Variants in PCNX2 observed in about 807,000 individuals in gnomAD.
The protein encoded by PCNX2 is pecanex 2.
A neutral mutation model predicts 223.8 loss-of-function variants in PCNX2; 168 were observed. The observed-to-expected ratio is 0.75, with a 90% CI of 0.66 to 0.85. The LOEUF is 0.85. Among genes scored for constraint, PCNX2 ranks in the 40% least tolerant of loss-of-function variants. The probability of loss-of-function intolerance (pLI) is 0.00; values close to 1 mark genes in which losing one functional copy is unlikely to be tolerated. For synonymous variants in PCNX2, 1,006 were observed against 1,052.6 expected (o/e 0.96, Z 0.86); for missense variants, 2,507 against 2,675.5 (o/e 0.94, Z 1.39).
At chr1:233,040,359 A>T (rs753174007) in intron 25 of PCNX2, among the ~76,000 whole-genome samples, 3 of 152,222 alleles carry the variant, frequency 2.0e-5, no homozygotes, top group Non-Finnish European at 2.9e-5. Flanking sequence ...TCATCCTCCC[A>T]TGAGAGAATG....
intron 21 of PCNX2, among the ~76,000 whole-genome samples, chr1:233,130,112 C>A (rs1055657300): frequency 6.6e-6 from 1 of 152,122 alleles, no homozygotes; most frequent in Non-Finnish European, 1.5e-5. Flanking sequence ...AGGTCTGCAG[C>A]CTCACTCCTG....
At chr1:233,305,939 T>G in the PCNX2 span, among the ~76,000 whole-genome samples, 1 of 152,174 alleles carries the variant, frequency 6.6e-6, no homozygotes, top group African/African-American at 2.4e-5. Context: ...TGAAAATGGG[T>G]TAAACACTAA....
intron 2 of PCNX2, 106 bp downstream of exon 2, chr1:233,262,852 T>A: frequency 2.0e-6 from 2 of 1,006,902 alleles, no homozygotes; most frequent in Non-Finnish European, 2.9e-6. Flanking sequence ...ATGCATATAT[T>A]TCTGTCTGCC....
chr1:233,159,689 C>T (rs1310108754), intron 19 of PCNX2, among the ~76,000 whole-genome samples: 1 of 152,166 alleles, frequency 6.6e-6, no homozygotes, highest in Non-Finnish European at 1.5e-5. Flanking sequence ...TAGAAGAAAT[C>T]TATTTCTTCT....
At chr1:233,178,041 C>CA (rs895046519) in intron 16 of PCNX2, 143 bp from the exon 17 acceptor site, 3 of 644,870 alleles carry the variant, frequency 4.7e-6, no homozygotes, top group Non-Finnish European at 8.1e-6. Context: ...AAAAGAGGTG[C>CA]ATGTTCAAGT....
At chr1:233,230,167 T>C (rs533181682) in intron 9 of PCNX2, among the ~76,000 whole-genome samples, 57 of 152,310 alleles carry the variant, frequency 3.7e-4, no homozygotes, top group African/African-American at 1.3e-3. Flanking sequence ...CCAGTCATGA[T>C]AACATCATCA....
intron 23 of PCNX2, among the ~76,000 whole-genome samples, chr1:233,075,739 A>ACACACACAC (rs1553282226): frequency 2.7e-5 from 4 of 149,320 alleles, no homozygotes; most frequent in East Asian, 2.0e-4. Flanking sequence ...ACACACACAC[A>ACACACACAC]ACAGAAAAGA....
intron 15 of PCNX2, among the ~76,000 whole-genome samples, chr1:233,185,084 AACACACACACACACACACAC>A (rs60719299): frequency 1.3e-4 from 18 of 141,716 alleles, no homozygotes; most frequent in Non-Finnish European, 2.4e-4. Flanking sequence ...TACATACATA[AACACACACACACACACACAC>A]ACACACACAC....
rs1680220853 is a variant in PCNX2 at position 233,188,278 on chromosome 1, C to T, written c.3067-9103G>A. Among the ~76,000 whole-genome samples the T allele has an allele frequency of 2.6e-5, 4 of 152,098 alleles. No individual in the cohort carries two copies. The South Asian group carries it at 8.3e-4, about 32-fold the overall frequency. Reference sequence around the variant, plus strand: ...TCCCCCTGGCTGTCGGATTGCAGTCCCCATTTCCTGGATGGCTGTCCACTG... The same window carrying T: ...TCCCCCTGGCTGTCGGATTGCAGTCTCCATTTCCTGGATGGCTGTCCACTG... On this transcript the variant is annotated intron_variant, in intron 15 of 33. Transcript: ENST00000258229.
At chr1:233,140,838 C>T (rs937316718) in intron 19 of PCNX2, among the ~76,000 whole-genome samples, 8 of 152,174 alleles carry the variant, frequency 5.3e-5, no homozygotes, top group Non-Finnish European at 1.0e-4. Flanking sequence ...CCAGGGCCCT[C>T]GGCTAGGCCC....
chr1:233,193,248 A>T (rs1241532650), intron 15 of PCNX2, among the ~76,000 whole-genome samples: 1 of 151,764 alleles, frequency 6.6e-6, no homozygotes, highest in Non-Finnish European at 1.5e-5. Context: ...AAGGAGAGGA[A>T]AATGATGAAA....
rs189938881 is a variant in PCNX2 at position 233,130,783 on chromosome 1, C to G, written c.3837+4230G>C. On this transcript the variant is annotated intron_variant, in intron 21 of 33. Coordinates refer to ENST00000258229, the MANE Select transcript of PCNX2 (RefSeq NM_014801.4). ...CAGGTGTGTGCCACTGTGCCCGGCA[C>G]CCCCCCCTTTTTTTTTTATTCCAGA... 2.0e-5 allele frequency among the ~76,000 whole-genome samples: 3 copies of G among 148,324 alleles called. No individual in the cohort carries two copies. In the East Asian group the frequency reaches 5.9e-4, roughly 29 times the overall value.
intron 17 of PCNX2, among the ~76,000 whole-genome samples, chr1:233,163,505 A>T (rs1347557024): frequency 6.6e-6 from 1 of 151,774 alleles, no homozygotes; most frequent in African/African-American, 2.4e-5. Context: ...AAAGTATACA[A>T]CTTAACAAGT....
chr1:233,317,609 T>C, the PCNX2 span, among the ~76,000 whole-genome samples: 1 of 152,038 alleles, frequency 6.6e-6, no homozygotes, highest in Admixed American at 6.6e-5. Flanking sequence ...GGAAAATGTT[T>C]AAATTTTTTT....
chr1:233,098,650 A>G (rs1252247193), intron 21 of PCNX2, among the ~76,000 whole-genome samples: 1 of 152,214 alleles, frequency 6.6e-6, no homozygotes, highest in Non-Finnish European at 1.5e-5. Context: ...TTCTTTATGT[A>G]GTAATGATTC....
At chr1:233,096,206 CT>C (rs1674155441) in intron 21 of PCNX2, among the ~76,000 whole-genome samples, 1 of 152,178 alleles carries the variant, frequency 6.6e-6, no homozygotes, top group South Asian at 2.1e-4. Flanking sequence ...ACACAGAAAC[CT>C]ATCATCATTT....
intron 1 of PCNX2, among the ~76,000 whole-genome samples, chr1:233,272,218 G>A (rs1247069983): frequency 3.3e-5 from 5 of 151,308 alleles, no homozygotes; most frequent in East Asian, 1.9e-4. Flanking sequence ...CCACAGAATC[G>A]GAGAAAATCT....
At chr1:233,245,217 G>C (rs1659036868) in intron 8 of PCNX2, among the ~76,000 whole-genome samples, 1 of 152,212 alleles carries the variant, frequency 6.6e-6, no homozygotes, top group African/African-American at 2.4e-5. Context: ...AGCAAAGGCT[G>C]GTTTTAGATG....
chr1:233,248,787 C>T (rs993839811), intron 8 of PCNX2, among the ~76,000 whole-genome samples: 3 of 152,160 alleles, frequency 2.0e-5, no homozygotes, highest in Non-Finnish European at 4.4e-5. Flanking sequence ...CCAAGCCACA[C>T]GCCTCACAAG....
Sources: allele counts gnomAD v4.1 joint callset (sites outside exome capture counted in the v4.1 genomes callset), GRCh38; gene constraint gnomAD v4.1.1; transcripts MANE v1.5; gene names NCBI Gene and HGNC (gene_info 2026-07-23, HGNC 2026-07-21).